The following UCN3 variants were observed in gnomAD, a reference collection of about 807,000 sequenced individuals.
UCN3 encodes the protein urocortin-3.
A neutral mutation model predicts 3.6 loss-of-function variants in UCN3; 3 were observed. That is an observed-to-expected ratio of 0.83 (90% confidence interval 0.38 to 2.15). The LOEUF (loss-of-function observed/expected upper bound fraction) is 2.15. Among genes scored for constraint, UCN3 ranks in the 30% most tolerant of loss-of-function variants. The pLI, the probability that UCN3 is intolerant of heterozygous loss-of-function variation, is 0.06. For synonymous variants in UCN3, 100 were observed against 93.2 expected, an observed-to-expected ratio of 1.07 and a Z score of -0.42; for missense variants, 206 against 208.3, an observed-to-expected ratio of 0.99 and a Z score of 0.07.
At chr10:5,369,127 G>A (rs1486696707) in intron 1 of UCN3, among the ~76,000 whole-genome samples, 1 of 152,126 alleles carries the variant, frequency 6.6e-6, no homozygotes, top group African/African-American at 2.4e-5. Flanking sequence ...GGCAAAAGGA[G>A]TCTGCACAGG....
In UCN3 at chr10:5,370,872, T is replaced by TGTGTATATGC. The variant is rs1554811431; in HGVS notation, c.-6-2839_-6-2838insATATGCGTGT. Among the ~76,000 whole-genome samples, 15 of 81,680 alleles carry TGTGTATATGC rather than the reference T, an allele frequency of 1.8e-4. 3 individuals carry two copies. Among genetic ancestry groups the TGTGTATATGC allele is most frequent in the African/African-American group, 7.6e-4 (15 of 19,698 alleles). 53.6% of individuals were successfully genotyped at this position (81,680 alleles called of 152,430 possible). On this transcript the variant is annotated intron_variant, in intron 1 of 1. Coordinates refer to ENST00000380433, the MANE Select transcript of UCN3 (RefSeq NM_053049.4). ...GTGCGCGTGTGTGTGCGTGTGTATG[T>TGTGTATATGC]GTGTGTATATGCGTGTGTATATGCG... is the stretch of plus-strand genomic sequence containing the variant.
chr10:5,370,223 G>GTGTGTGTGTATATGCGTGTGTATA (rs781842004), intron 1 of UCN3, among the ~76,000 whole-genome samples: 2 of 13,764 alleles, frequency 1.5e-4, no homozygotes, highest in Non-Finnish European at 2.2e-4. Context: ...GTGTGTGTAT[G>GTGTGTGTGTATATGCGTGTGTATA]TGCGTGTGTG....
Position 5,370,791 on chromosome 10 carries a change from A to G in UCN3, c.-6-2924A>G, listed in dbSNP as rs560169888. Among the ~76,000 whole-genome samples, 932 of 101,042 alleles carry G rather than the reference A, an allele frequency of 9.2e-3. 25 individuals carry two copies. Among genetic ancestry groups the G allele is most frequent in the South Asian group, 0.029 (89 of 3,118 alleles). 66.3% of individuals were successfully genotyped at this position (101,042 alleles called of 152,430 possible). ...CGTGTGTATATGCGTGTGTGTGTGT[A>G]TGCGTGTGTATATGTGTGTGTGCGT... On this transcript the variant is annotated intron_variant, in intron 1 of 1. Coordinates refer to ENST00000380433, the MANE Select transcript of UCN3 (RefSeq NM_053049.4).
At chr10:5,370,773 A>G (rs1259243138) in intron 1 of UCN3, among the ~76,000 whole-genome samples, 16 of 110,364 alleles carry the variant, frequency 1.4e-4, no homozygotes, top group South Asian at 3.4e-4. Flanking sequence ...ATGCGTGTGT[A>G]TATGCGTGTG....
chr10:5,368,763 T>C (rs1447888552), intron 1 of UCN3, among the ~76,000 whole-genome samples: 1 of 152,180 alleles, frequency 6.6e-6, no homozygotes, highest in African/African-American at 2.4e-5. Flanking sequence ...GAAAAACAAC[T>C]CATTAGGTCC....
At chr10:5,368,930 C>G (rs1361033030) in intron 1 of UCN3, among the ~76,000 whole-genome samples, 1 of 152,162 alleles carries the variant, frequency 6.6e-6, no homozygotes, top group Admixed American at 6.5e-5. Flanking sequence ...CAGCGGTTCT[C>G]AGAGTGTGGC....
At chr10:5,370,332 T>TGTATATGC (rs1831355906) in intron 1 of UCN3, among the ~76,000 whole-genome samples, 4 of 85,188 alleles carry the variant, frequency 4.7e-5, no homozygotes, top group Admixed American at 1.2e-4. Flanking sequence ...TGTATATGCG[T>TGTATATGC]GTGTATATGC....
chr10:5,370,679 G>A lies in UCN3; in HGVS notation c.-6-3036G>A, dbSNP rs1270157363. 1.0e-4 allele frequency among the ~76,000 whole-genome samples: 10 copies of A among 98,702 alleles called. 1 individual carries two copies. The highest frequency in any genetic ancestry group is 3.4e-4 in the Admixed American group (3 of 8,800). 64.8% of individuals were successfully genotyped at this position (98,702 alleles called of 152,430 possible). On this transcript the variant is annotated intron_variant, in intron 1 of 1. Transcript: ENST00000380433. ...TATGTGTGTGTATGTGTGTGTATGT[G>A]TGTGTGTATGTGTGTATATGTGTGT... is the stretch of plus-strand genomic sequence containing the variant.
chr10:5,370,843 G>GTGCGCGCA (rs1564443644), intron 1 of UCN3, among the ~76,000 whole-genome samples: 1 of 78,970 alleles, frequency 1.3e-5, no homozygotes, highest in African/African-American at 5.4e-5. Flanking sequence ...GTGTGCGCGT[G>GTGCGCGCA]TGTGTGCGCG....
In UCN3 at chr10:5,373,875, C is replaced by T. The variant is rs782631267; in HGVS notation, c.155C>T (p.Ser52Phe). 2.5e-6 allele frequency: 4 copies of T among 1,614,098 alleles called. No homozygotes were observed. The highest frequency in any genetic ancestry group is 2.2e-5 in the East Asian group (1 of 44,862). ...EAEKGQWEDA[S>F]LLSKRSFHYL... ...GAGAAGGGCCAGTGGGAGGATGCAT[C>T]CCTGCTGAGCAAGAGGAGCTTCCAC... Residue 52 changes from serine (S) to phenylalanine (F), a missense_variant, in exon 2 of 2, where the codon TCC becomes TTC. By Grantham distance (155) the Ser-to-Phe change is radical. Coordinates refer to ENST00000380433, the MANE Select transcript of UCN3 (RefSeq NM_053049.4).
rs577865833 is a variant in UCN3 at position 5,365,993 on chromosome 10, T to C, written c.-7+763T>C. On this transcript the variant is annotated intron_variant, in intron 1 of 1. Coordinates refer to ENST00000380433, the MANE Select transcript of UCN3 (RefSeq NM_053049.4). The surrounding 1 kb of genome is among the most constrained non-coding windows in gnomAD (Gnocchi z 4.4). Reference sequence around the variant, plus strand: ...AATTTCTTTCCCAAGCATAGCCACCTACCAAAAATAACAAATGTGAGATTT... The same window carrying C: ...AATTTCTTTCCCAAGCATAGCCACCCACCAAAAATAACAAATGTGAGATTT... Among the ~76,000 whole-genome samples, 8 of 152,336 alleles carry C rather than the reference T, an allele frequency of 5.3e-5. No homozygotes were observed. The highest frequency in any genetic ancestry group is 7.3e-5 in the Non-Finnish European group (5 of 68,034).
rs1464461998 is a variant in UCN3, at chr10:5,370,342, C to CGTGTGTATGT, written c.-6-3365_-6-3364insGTGTGTGTAT. On this transcript the variant is annotated intron_variant, in intron 1 of 1. Transcript: ENST00000380433. ...GTGTGTGTATATGCGTGTGTATATG[C>CGTGTGTATGT]GTGTGTATATGTGTGTGTATATGCG... Among the ~76,000 whole-genome samples the CGTGTGTATGT allele has an allele frequency of 7.7e-3, 83 of 10,772 alleles. 20 individuals carry two copies. Among genetic ancestry groups the CGTGTGTATGT allele is most frequent in the African/African-American group, 0.046 (72 of 1,556 alleles). The allele number at this position is 10,772 out of a possible 152,430, so 7.1% of individuals were successfully genotyped here.
At position 5,365,382 on chromosome 10, in the gene UCN3, CA is replaced by C. The variant is rs1263415626; in HGVS notation, c.-7+154del. On this transcript the variant is annotated intron_variant, in intron 1 of 1. Coordinates refer to ENST00000380433, the MANE Select transcript of UCN3 (RefSeq NM_053049.4). This position sits in a 1 kb window ranked among gnomAD's most constrained non-coding sequence, Gnocchi z 4.4. ...GGAGCGATGCTGAACGCCCCCCACC[CA>C]ATCAGCAGAAATCAGCCCCAAAGGG... Among the ~76,000 whole-genome samples, 1 of 152,216 alleles carries C rather than the reference CA, an allele frequency of 6.6e-6. No homozygotes were observed. The highest frequency in any genetic ancestry group is 2.4e-5 in the African/African-American group (1 of 41,450).
At chr10:5,372,631 C>A (rs1241632226) in intron 1 of UCN3, among the ~76,000 whole-genome samples, 7 of 152,198 alleles carry the variant, frequency 4.6e-5, no homozygotes, top group Admixed American at 2.0e-4. Context: ...TTCACTGTAG[C>A]CTCGACCTCT....
In UCN3 at chr10:5,369,925, A is replaced by ATG. The variant is rs200059976; in HGVS notation, c.-6-3778_-6-3777dup. 2.4e-4 allele frequency among the ~76,000 whole-genome samples: 13 copies of ATG among 55,036 alleles called. 1 individual carries two copies. Among genetic ancestry groups the ATG allele is most frequent in the Middle Eastern group, 0.013 (1 of 76 alleles). 36.1% of individuals were successfully genotyped at this position (55,036 alleles called of 152,430 possible). ...TATGTGTGTGTGTATATGTGTGTGT[A>ATG]TGTGTGTGTGTGTATGTGTGTGTAT... On this transcript the variant is annotated intron_variant, in intron 1 of 1. Coordinates refer to ENST00000380433, the MANE Select transcript of UCN3 (RefSeq NM_053049.4).
rs1342353848 is a variant in UCN3 at position 5,367,708 on chromosome 10, T to C, written c.-7+2478T>C. Among the ~76,000 whole-genome samples the C allele has an allele frequency of 2.0e-5, 3 of 152,218 alleles. No homozygotes were observed. Among genetic ancestry groups the C allele is most frequent in the Admixed American group, 2.0e-4 (3 of 15,290 alleles). On this transcript the variant is annotated intron_variant, in intron 1 of 1. Transcript: ENST00000380433. This position sits in a 1 kb window ranked among gnomAD's most constrained non-coding sequence, Gnocchi z 4.3. ...GTGTTGATTTACACTAAAGGGCCAGTCCGTGTGAGCAGAGCCCCAAGATGG... is the reference window on the plus strand; with the variant it reads ...GTGTTGATTTACACTAAAGGGCCAGCCCGTGTGAGCAGAGCCCCAAGATGG...
intron 1 of UCN3, 86 bp from the exon 2 acceptor site, chr10:5,373,629 C>T (rs975369257): frequency 1.3e-6 from 2 of 1,524,504 alleles, no homozygotes. Context: ...GGAACATTAA[C>T]AACACCCTAG....
intron 1 of UCN3, among the ~76,000 whole-genome samples, chr10:5,370,133 GTGTGTGTA>G (rs1831340526): frequency 1.5e-5 from 1 of 66,394 alleles, no homozygotes; most frequent in Non-Finnish European, 2.8e-5. Flanking sequence ...GTGTGTGTAT[GTGTGTGTA>G]TGCGTGTGTA....
Position 5,370,871 on chromosome 10 carries a change from G to GCGTGTGTATGCGTGTGTA in UCN3, c.-6-2844_-6-2843insCGTGTGTATGCGTGTGTA, listed in dbSNP as rs1339938939. Among the ~76,000 whole-genome samples the GCGTGTGTATGCGTGTGTA allele has an allele frequency of 1.7e-3, 234 of 135,386 alleles. 23 individuals carry two copies. The highest frequency in any genetic ancestry group is 6.7e-3 in the African/African-American group (225 of 33,588). 88.8% of individuals were successfully genotyped at this position (135,386 alleles called of 152,430 possible). ...TGTGCGCGTGTGTGTGCGTGTGTAT[G>GCGTGTGTATGCGTGTGTA]TGTGTGTATATGCGTGTGTATATGC... On this transcript the variant is annotated intron_variant, in intron 1 of 1. Transcript: ENST00000380433.
Sources: allele counts gnomAD v4.1 joint callset (sites outside exome capture counted in the v4.1 genomes callset), GRCh38; gene constraint gnomAD v4.1.1; non-coding constraint Gnocchi (gnomAD v3.1); transcripts MANE v1.5; gene names NCBI Gene and HGNC (gene_info 2026-07-23, HGNC 2026-07-21).